NELL1: variants seen among roughly 807,000 people sequenced by gnomAD.
The protein encoded by NELL1 is neural EGFL like 1.
In NELL1, 76 loss-of-function variants were observed where a neutral mutation model predicts 107.4. That is an observed-to-expected ratio of 0.71 (90% CI 0.59 to 0.86). NELL1 has a LOEUF of 0.86. Ranked by LOEUF, NELL1 falls within the 40% of genes least tolerant of loss-of-function variation. The pLI is 0.00. For synonymous variants in NELL1, 353 were observed against 341.2 expected, an observed-to-expected ratio of 1.03 and a Z score of -0.38; for missense variants, 1,024 against 1,005.5, an observed-to-expected ratio of 1.02 and a Z score of -0.25.
intron 12 of NELL1, among the ~76,000 whole-genome samples, chr11:21,017,868 T>C (rs1852606065): frequency 6.6e-6 from 1 of 152,088 alleles, no homozygotes; most frequent in African/African-American, 2.4e-5. Flanking sequence ...ATCAGCTTGT[T>C]GGAATGAAAG....
At chr11:21,063,698 C>G (rs1853799559) in intron 12 of NELL1, among the ~76,000 whole-genome samples, 1 of 152,154 alleles carries the variant, frequency 6.6e-6, no homozygotes, top group Admixed American at 6.5e-5. Flanking sequence ...GTGAGAAGAG[C>G]AAAAAGACGA....
At position 21,195,385 on chromosome 11, in the gene NELL1, G is replaced by A. The variant is rs112161216; in HGVS notation, c.1427-33947G>A. ...CTGGGGCAACCACTATCAGAAAATC[G>A]GATCTGACTTTCAAGATAAACCCCA... is the stretch of plus-strand genomic sequence containing the variant. On this transcript the variant is annotated intron_variant, in intron 13 of 19. Transcript: ENST00000357134. Among the ~76,000 whole-genome samples, 185 of 151,898 alleles carry A rather than the reference G, an allele frequency of 1.2e-3. 1 individual carries two copies. Among genetic ancestry groups the A allele is most frequent in the African/African-American group, 3.9e-3 (160 of 41,428 alleles).
intron 12 of NELL1, among the ~76,000 whole-genome samples, chr11:21,057,434 A>C (rs1193570942): frequency 6.6e-6 from 1 of 151,984 alleles, no homozygotes; most frequent in Non-Finnish European, 1.5e-5. Context: ...ATATCCTCTG[A>C]GCCAGCAATT....
At chr11:21,133,519 C>G (rs571183361) in intron 13 of NELL1, among the ~76,000 whole-genome samples, 2 of 152,272 alleles carry the variant, frequency 1.3e-5, no homozygotes, top group Admixed American at 6.5e-5. Flanking sequence ...CCCAGCCATC[C>G]TCAGCATCCC....
chr11:21,271,663 C>A (rs942626538), intron 14 of NELL1, among the ~76,000 whole-genome samples: 1 of 152,132 alleles, frequency 6.6e-6, no homozygotes, highest in Non-Finnish European at 1.5e-5. Context: ...CAGACAAAAA[C>A]ATCACAAGAA....
rs541432500 is a variant in NELL1, at chr11:20,992,229, G to A, written c.1300+31669G>A. On this transcript the variant is annotated intron_variant, in intron 12 of 19. Coordinates refer to ENST00000357134, the MANE Select transcript of NELL1 (RefSeq NM_006157.5). The stretch of plus-strand genomic sequence containing the variant: ...TTACTGAATGCATACCTAACAAAGA[G>A]GACTGGGTTTCTAAGTTTCTTGCTT... Among the ~76,000 whole-genome samples, 7 of 152,256 alleles carry A rather than the reference G, an allele frequency of 4.6e-5. No individual in the cohort carries two copies. In the South Asian group the frequency reaches 1.4e-3, roughly 32 times the overall value.
At chr11:21,539,378 C>A (rs1564949174) in intron 16 of NELL1, among the ~76,000 whole-genome samples, 1 of 152,018 alleles carries the variant, frequency 6.6e-6, no homozygotes, top group Admixed American at 6.6e-5. Context: ...TGCCTTTTCA[C>A]AAGGACAGAG....
intron 4 of NELL1, among the ~76,000 whole-genome samples, chr11:20,883,826 G>T (rs1410110633): frequency 3.3e-5 from 5 of 152,132 alleles, no homozygotes; most frequent in African/African-American, 7.2e-5. Context: ...CTCTTAAGTT[G>T]TAAATTTGCC....
In NELL1 at chr11:21,137,966, C is replaced by T. The variant is rs570600495; in HGVS notation, c.1426+24252C>T. On this transcript the variant is annotated intron_variant, in intron 13 of 19. Transcript: ENST00000357134. ...CAGCGCTACCCTATGTAAATAGAAA[C>T]GTAAGGTTTCTCCCTGGAGGGACCT... 1.3e-3 allele frequency among the ~76,000 whole-genome samples: 203 copies of T among 152,286 alleles called. 1 individual carries two copies. The highest frequency in any genetic ancestry group is 4.2e-3 in the African/African-American group (174 of 41,564).
chr11:20,878,445 T>A (rs909476099), intron 4 of NELL1, among the ~76,000 whole-genome samples: 2 of 151,244 alleles, frequency 1.3e-5, no homozygotes, highest in Admixed American at 6.6e-5. Flanking sequence ...GAAATACATC[T>A]CTCTGATTTC....
At chr11:21,364,542 G>A (rs896229713) in intron 14 of NELL1, among the ~76,000 whole-genome samples, 23 of 151,622 alleles carry the variant, frequency 1.5e-4, no homozygotes, top group African/African-American at 2.2e-4. Context: ...TCATTGGATC[G>A]TAGCCGCACT....
chr11:21,504,885 T>G (rs1855241301), intron 15 of NELL1, among the ~76,000 whole-genome samples: 1 of 152,188 alleles, frequency 6.6e-6, no homozygotes, highest in Non-Finnish European at 1.5e-5. Flanking sequence ...TGGTATCTCT[T>G]CCTGTGATTA....
chr11:20,890,409 A>G (rs1383688672), intron 5 of NELL1, among the ~76,000 whole-genome samples: 2 of 152,168 alleles, frequency 1.3e-5, no homozygotes, highest in African/African-American at 2.4e-5. Context: ...ATGAGAAAGA[A>G]TCAATGAAAA....
At chr11:21,088,551 T>A (rs1854451901) in intron 12 of NELL1, among the ~76,000 whole-genome samples, 1 of 152,164 alleles carries the variant, frequency 6.6e-6, no homozygotes, top group Non-Finnish European at 1.5e-5. Context: ...TTCAACAGAT[T>A]TGTATTGATA....
At chr11:21,022,739 A>G (rs1852729874) in intron 12 of NELL1, among the ~76,000 whole-genome samples, 1 of 152,074 alleles carries the variant, frequency 6.6e-6, no homozygotes, top group Non-Finnish European at 1.5e-5. Context: ...TGCCTCCTAT[A>G]TTTCTATCTC....
At chr11:21,423,469 AAAAAT>A (rs1381455511) in intron 15 of NELL1, among the ~76,000 whole-genome samples, 2 of 149,656 alleles carry the variant, frequency 1.3e-5, no homozygotes, top group African/African-American at 5.1e-5. Flanking sequence ...AATAAAAAAC[AAAAAT>A]AAATAAAACA....
At chr11:21,121,839 C>T (rs573517711) in intron 13 of NELL1, among the ~76,000 whole-genome samples, 2 of 152,164 alleles carry the variant, frequency 1.3e-5, no homozygotes, top group African/African-American at 4.8e-5. Context: ...AAAAATTCAT[C>T]GAAAGTTTGT....
chr11:20,689,463 G>A (rs1374417241), intron 2 of NELL1, among the ~76,000 whole-genome samples: 1 of 117,146 alleles, frequency 8.5e-6, no homozygotes, highest in Non-Finnish European at 1.6e-5. Flanking sequence ...AGTCCCCAGA[G>A]TGTGATGTTC....
At chr11:21,407,583 T>A (rs1852266165) in intron 15 of NELL1, among the ~76,000 whole-genome samples, 1 of 151,832 alleles carries the variant, frequency 6.6e-6, no homozygotes, top group Non-Finnish European at 1.5e-5. Flanking sequence ...CAACTCTAGT[T>A]ACTTAACTCT....
Sources: allele counts gnomAD v4.1 joint callset (sites outside exome capture counted in the v4.1 genomes callset), GRCh38; gene constraint gnomAD v4.1.1; transcripts MANE v1.5; gene names NCBI Gene and HGNC (gene_info 2026-07-23, HGNC 2026-07-21).